The following PKHD1 variants were observed in gnomAD, a reference collection of about 807,000 sequenced individuals.
PKHD1 encodes PKHD1 ciliary IPT domain containing fibrocystin/polyductin.
A neutral mutation model predicts 412.0 loss-of-function variants in PKHD1; 291 were observed. The ratio of observed to expected loss-of-function variants is 0.71; its 90% confidence interval spans 0.64 to 0.78. The LOEUF is 0.78. Ranked by LOEUF, PKHD1 falls within the 30% of genes least tolerant of loss-of-function variation. The pLI is 0.00. For missense variants in PKHD1, 4,825 were observed against 4,950.7 expected (o/e 0.97, Z 0.76); for synonymous variants, 1,777 against 1,821.5 (o/e 0.98, Z 0.62).
At chr6:51,676,247 G>A (rs1357796718) in intron 60 of PKHD1, among the ~76,000 whole-genome samples, 97 of 13,838 alleles carry the variant, frequency 7.0e-3, no homozygotes, top group Middle Eastern at 0.022. Flanking sequence ...AAAATTAAAA[G>A]AAAAGAAAAA....
intron 35 of PKHD1, among the ~76,000 whole-genome samples, chr6:51,974,780 C>A (rs1478456314): frequency 6.6e-6 from 1 of 151,990 alleles, no homozygotes; most frequent in Admixed American, 6.6e-5. Context: ...GATGGGTGCA[C>A]CAAAATCTCA....
At chr6:51,786,228 A>G (rs181892125) in intron 53 of PKHD1, among the ~76,000 whole-genome samples, 1 of 152,054 alleles carries the variant, frequency 6.6e-6, no homozygotes, top group Admixed American at 6.5e-5. Flanking sequence ...TATCCCAAAT[A>G]ACTCTTCCTT....
chr6:51,918,240 G>A (rs1830554), intron 37 of PKHD1, among the ~76,000 whole-genome samples: 11 of 151,518 alleles, frequency 7.3e-5, no homozygotes, highest in African/African-American at 2.4e-4. Context: ...GGATACATGC[G>A]CAGAACGTGC....
At chr6:51,923,411 G>A (rs1484213507) in intron 37 of PKHD1, among the ~76,000 whole-genome samples, 1 of 151,924 alleles carries the variant, frequency 6.6e-6, no homozygotes, top group Non-Finnish European at 1.5e-5. Context: ...GGGTGTGGCT[G>A]TGCCTCAATA....
intron 52 of PKHD1, among the ~76,000 whole-genome samples, chr6:51,796,592 T>C (rs1794647362): frequency 6.6e-6 from 1 of 152,082 alleles, no homozygotes; most frequent in African/African-American, 2.4e-5. Flanking sequence ...TAATGTTAGA[T>C]TGTTAACTTG....
At chr6:51,955,435 C>T (rs186866373) in intron 36 of PKHD1, among the ~76,000 whole-genome samples, 42 of 152,018 alleles carry the variant, frequency 2.8e-4, no homozygotes, top group Non-Finnish European at 2.9e-5. Flanking sequence ...AATTTATGAC[C>T]CTGCCTTCTA....
rs773362786 is a variant in PKHD1, at chr6:52,017,393, G to C, written c.5600+17C>G. ...AGCATTTGTGGGGAAGTTCAGGGAG[G>C]GAGAAGGTAAAGTTACCTGATAAAG... On this transcript the variant is annotated intron_variant, in intron 34 of 66. Coordinates refer to ENST00000371117, the MANE Select transcript of PKHD1 (RefSeq NM_138694.4). 1.3e-6 allele frequency: 2 copies of C among 1,542,820 alleles called. No homozygotes were observed. The highest frequency in any genetic ancestry group is 1.7e-5 in the Admixed American group (1 of 59,950).
chr6:51,667,853 T>C (rs1330926518), intron 60 of PKHD1, among the ~76,000 whole-genome samples: 1 of 151,250 alleles, frequency 6.6e-6, no homozygotes, highest in African/African-American at 2.5e-5. Context: ...ATCAGATAGT[T>C]GTAGATACGC....
chr6:52,001,590 C>T (rs981773640), intron 35 of PKHD1, among the ~76,000 whole-genome samples: 14 of 152,070 alleles, frequency 9.2e-5, no homozygotes, highest in East Asian at 3.9e-4. Flanking sequence ...CCACCACACC[C>T]GGCTAATTTT....
At chr6:51,621,132 G>A (rs1274612993) in intron 66 of PKHD1, among the ~76,000 whole-genome samples, 1 of 152,124 alleles carries the variant, frequency 6.6e-6, no homozygotes, top group Non-Finnish European at 1.5e-5. Flanking sequence ...GACCTGCACA[G>A]TTGCTTCTAT....
At chr6:52,000,963 C>T (rs1798304294) in intron 35 of PKHD1, among the ~76,000 whole-genome samples, 1 of 152,112 alleles carries the variant, frequency 6.6e-6, no homozygotes, top group Non-Finnish European at 1.5e-5. Context: ...CCTGAATTCC[C>T]TCTTTTTTTC....
intron 60 of PKHD1, among the ~76,000 whole-genome samples, chr6:51,690,520 C>T (rs947837303): frequency 3.3e-5 from 5 of 152,130 alleles, no homozygotes; most frequent in Admixed American, 3.3e-4. Context: ...CACACACCTA[C>T]AACTATCTGA....
chr6:51,812,607 C>T (rs917587748), intron 52 of PKHD1, among the ~76,000 whole-genome samples: 1 of 152,168 alleles, frequency 6.6e-6, no homozygotes, highest in Non-Finnish European at 1.5e-5. Context: ...TGACAGATAG[C>T]AGGTCCTGAA....
chr6:51,787,340 T>G (rs891667135), intron 53 of PKHD1, among the ~76,000 whole-genome samples: 1 of 114,760 alleles, frequency 8.7e-6, no homozygotes, highest in Non-Finnish European at 1.8e-5. Context: ...GCCTGGGCAA[T>G]AAGAGCAAAA....
At chr6:51,895,690 C>G (rs963187184) in intron 43 of PKHD1, among the ~76,000 whole-genome samples, 1 of 152,112 alleles carries the variant, frequency 6.6e-6, no homozygotes, top group Non-Finnish European at 1.5e-5. Context: ...GGAACAGCTC[C>G]GGTCTACAGC....
chr6:51,959,481 A>G (rs1157744342), intron 36 of PKHD1, among the ~76,000 whole-genome samples: 6 of 152,264 alleles, frequency 3.9e-5, no homozygotes, highest in African/African-American at 1.4e-4. Context: ...GGGTAAAAGC[A>G]GGAAGACATG....
intron 23 of PKHD1, among the ~76,000 whole-genome samples, chr6:52,047,776 T>C (rs1363984333): frequency 6.6e-6 from 1 of 152,222 alleles, no homozygotes; most frequent in African/African-American, 2.4e-5. Flanking sequence ...TATGACCTTT[T>C]GGCAAGCTTC....
At position 51,881,075 on chromosome 6, in the gene PKHD1, CTTT is replaced by C. The variant is rs371470393; in HGVS notation, c.7350+2015_7350+2017del. Among the ~76,000 whole-genome samples the C allele has an allele frequency of 2.7e-3, 361 of 134,036 alleles. 2 individuals carry two copies. The highest frequency in any genetic ancestry group is 8.6e-3 in the African/African-American group (317 of 36,796). 87.9% of individuals were successfully genotyped at this position (134,036 alleles called of 152,430 possible). ...GAGGTCAGGAACCCTCTTTTTCTTTCTTTTTTTTTTTTTTTTTCTTTTTTTGGA... is the reference window on the plus strand; with the variant it reads ...GAGGTCAGGAACCCTCTTTTTCTTTCTTTTTTTTTTTTTTCTTTTTTTGGA... On this transcript the variant is annotated intron_variant, in intron 46 of 66. Coordinates refer to ENST00000371117, the MANE Select transcript of PKHD1 (RefSeq NM_138694.4).
At chr6:51,982,783 G>A (rs1363822808) in intron 35 of PKHD1, among the ~76,000 whole-genome samples, 16 of 119,558 alleles carry the variant, frequency 1.3e-4, no homozygotes, top group Admixed American at 1.9e-4. Flanking sequence ...CCCCCTCTGC[G>A]AGAAACACCC....
Sources: allele counts gnomAD v4.1 joint callset (sites outside exome capture counted in the v4.1 genomes callset), GRCh38; gene constraint gnomAD v4.1.1; transcripts MANE v1.5; gene names NCBI Gene and HGNC (gene_info 2026-07-23, HGNC 2026-07-21).